Variants in ROBO2 observed in about 807,000 individuals in gnomAD.
The protein encoded by ROBO2 is roundabout guidance receptor 2, also known as roundabout homolog 2.
A neutral mutation model predicts 160.8 loss-of-function variants in ROBO2; 53 were observed. The observed-to-expected ratio is 0.33, with a 90% CI of 0.26 to 0.41. The LOEUF is 0.41. Among genes scored for constraint, ROBO2 ranks in the 10% least tolerant of loss-of-function variants. The probability of loss-of-function intolerance (pLI) is 1.00; values close to 1 mark genes in which losing one functional copy is unlikely to be tolerated. For missense variants in ROBO2, 1,577 were observed against 1,722.4 expected (o/e 0.92, Z 1.49); for synonymous variants, 664 against 611.7 (o/e 1.09, Z -1.26).
intron 2 of ROBO2, among the ~76,000 whole-genome samples, chr3:77,164,425 CGGGA>C (rs2078777181): frequency 8.2e-6 from 1 of 122,284 alleles, no homozygotes; most frequent in Non-Finnish European, 1.8e-5. Flanking sequence ...CCGCCCCGTC[CGGGA>C]GGGAGGTGGG....
chr3:76,507,361 C>T (rs372043232), intron 2 of ROBO2, among the ~76,000 whole-genome samples: 29 of 152,082 alleles, frequency 1.9e-4, no homozygotes, highest in African/African-American at 7.0e-4. Flanking sequence ...ATATAACCCT[C>T]ACTTCTTTAT....
intron 2 of ROBO2, among the ~76,000 whole-genome samples, chr3:76,424,131 T>C (rs1418452328): frequency 6.6e-6 from 1 of 152,174 alleles, no homozygotes; most frequent in Non-Finnish European, 1.5e-5. Context: ...CCACAGTGCT[T>C]AGCAATATGT....
At chr3:76,412,543 G>C (rs2075545835) in intron 2 of ROBO2, among the ~76,000 whole-genome samples, 1 of 152,140 alleles carries the variant, frequency 6.6e-6, no homozygotes, top group Admixed American at 6.5e-5. Flanking sequence ...ACAGGTATCG[G>C]GTAAATACAG....
chr3:77,642,962 C>T lies in ROBO2; in HGVS notation c.3935-1742C>T, dbSNP rs1034319063. ...GGATCAGGTGTGTTCTGCACAGTCC[C>T]AAGAAAGTGTGGACTGTTACCATTT... On this transcript the variant is annotated intron_variant, in intron 24 of 25. Transcript: ENST00000461745. The T allele has an allele frequency of 8.8e-6, 4 of 455,454 alleles. No individual in the cohort carries two copies. The highest frequency in any genetic ancestry group is 8.0e-5 in the African/African-American group (4 of 50,030). The allele number at this position is 455,454 out of a possible 1,614,324, so 28.2% of individuals were successfully genotyped here.
At chr3:76,828,090 G>A (rs532668009) in intron 2 of ROBO2, among the ~76,000 whole-genome samples, 19 of 152,226 alleles carry the variant, frequency 1.2e-4, no homozygotes, top group Middle Eastern at 3.4e-3. Context: ...CATTAGACAT[G>A]GTCACAGACT....
chr3:76,268,028 A>G (rs913531331), intron 2 of ROBO2, among the ~76,000 whole-genome samples: 1 of 152,192 alleles, frequency 6.6e-6, no homozygotes, highest in Admixed American at 6.6e-5. Flanking sequence ...GGCCTAATAC[A>G]TGTTACCAGT....
At chr3:76,126,134 G>A (rs1413902103) in intron 2 of ROBO2, among the ~76,000 whole-genome samples, 1 of 152,128 alleles carries the variant, frequency 6.6e-6, no homozygotes, top group Admixed American at 6.5e-5. Flanking sequence ...TAATTTTAAA[G>A]GGGAAAAATA....
chr3:76,802,529 C>T (rs2064290944), intron 2 of ROBO2, among the ~76,000 whole-genome samples: 2 of 152,060 alleles, frequency 1.3e-5, no homozygotes, highest in South Asian at 4.1e-4. Context: ...GAGATTGAGA[C>T]CATCCTGGCT....
chr3:76,822,040 G>C (rs1440596507), intron 2 of ROBO2, among the ~76,000 whole-genome samples: 1 of 151,778 alleles, frequency 6.6e-6, no homozygotes, highest in Non-Finnish European at 1.5e-5. Flanking sequence ...ATAAATATTT[G>C]GTGGTATTTA....
intron 2 of ROBO2, among the ~76,000 whole-genome samples, chr3:76,868,817 A>G (rs552391772): frequency 6.6e-6 from 1 of 150,380 alleles, no homozygotes; most frequent in South Asian, 2.2e-4. Context: ...AATAACACGT[A>G]TTGTGCTAAT....
intron 1 of ROBO2, among the ~76,000 whole-genome samples, chr3:75,907,467 G>A (rs1272561848): frequency 6.6e-6 from 1 of 151,986 alleles, no homozygotes; most frequent in Non-Finnish European, 1.5e-5. Context: ...GTAACTTCAG[G>A]TTCCTTTGCT....
chr3:75,923,780 AAC>A (rs1179259058), intron 1 of ROBO2, among the ~76,000 whole-genome samples: 8 of 152,338 alleles, frequency 5.3e-5, no homozygotes, highest in Admixed American at 2.6e-4. Flanking sequence ...GCACATAGGA[AAC>A]ACAAACCAGG....
chr3:76,483,478 C>T (rs2079319950), intron 2 of ROBO2, among the ~76,000 whole-genome samples: 1 of 151,926 alleles, frequency 6.6e-6, no homozygotes, highest in Non-Finnish European at 1.5e-5. Context: ...TCCATTATAC[C>T]ATCTCCTTAC....
At chr3:76,292,418 T>C (rs890074388) in intron 2 of ROBO2, among the ~76,000 whole-genome samples, 2 of 152,214 alleles carry the variant, frequency 1.3e-5, no homozygotes, top group African/African-American at 4.8e-5. Context: ...TAAGTGTTCA[T>C]TGGCGTCTAC....
chr3:76,390,456 AAG>A, intron 2 of ROBO2, among the ~76,000 whole-genome samples: 1 of 152,284 alleles, frequency 6.6e-6, no homozygotes, highest in East Asian at 1.9e-4. Flanking sequence ...ACATACATTA[AAG>A]AGATTCTTTT....
At chr3:76,653,775 G>A (rs916596916) in intron 2 of ROBO2, among the ~76,000 whole-genome samples, 2 of 152,084 alleles carry the variant, frequency 1.3e-5, no homozygotes, top group Admixed American at 6.6e-5. Context: ...ATGCAAAGGG[G>A]CAGCAGACTG....
chr3:76,736,452 T>A (rs2093715384), intron 2 of ROBO2, among the ~76,000 whole-genome samples: 1 of 152,110 alleles, frequency 6.6e-6, no homozygotes, highest in Non-Finnish European at 1.5e-5. Context: ...GGAAGCTGTT[T>A]GACATTTGAA....
rs140562269 is a variant in ROBO2 at position 77,407,669 on chromosome 3, C to A, written c.389-69745C>A. On this transcript the variant is annotated intron_variant, in intron 2 of 25. Transcript: ENST00000461745. ...AGGTAATTAGGGCTAATCCTCCCAG[C>A]CTCCTGCTGGCTTGTTGCCTCCCAG... is the stretch of plus-strand genomic sequence containing the variant. Among the ~76,000 whole-genome samples the A allele has an allele frequency of 5.1e-4, 77 of 152,318 alleles. 1 individual carries two copies. The East Asian group carries it at 0.013, about 26-fold the overall frequency.
intron 2 of ROBO2, among the ~76,000 whole-genome samples, chr3:76,914,295 C>T (rs1038023067): frequency 5.9e-5 from 9 of 152,088 alleles, no homozygotes; most frequent in African/African-American, 2.2e-4. Flanking sequence ...TGCTAAGTGC[C>T]TTTTGAACTC....
Sources: gnomAD v4.1 joint callset for allele counts (sites outside exome capture counted in the v4.1 genomes callset) on GRCh38, gnomAD v4.1.1 for gene constraint, MANE v1.5 for transcripts, NCBI Gene and HGNC (gene_info 2026-07-23, HGNC 2026-07-21) for gene names.